MTCL2: variants seen among roughly 807,000 people sequenced by gnomAD.
MTCL2 encodes microtubule crosslinking factor 2, also known as microtubule cross-linking factor 2.
the MTCL2 span, chr20:36,784,209 T>C: frequency 2.2e-4 from 218 of 986,126 alleles, no homozygotes; most frequent in Non-Finnish European, 2.5e-4. Context: ...GGAGATAACC[T>C]TGGAGGGCCC....
the MTCL2 span, chr20:36,817,428 G>C: frequency 3.8e-6 from 6 of 1,592,952 alleles, no homozygotes; most frequent in Non-Finnish European, 5.1e-6. Context: ...TCTTCTTATC[G>C]GCCTTCCCCA....
chr20:36,852,571 CAA>C, the MTCL2 span, among the ~76,000 whole-genome samples: 3 of 152,198 alleles, frequency 2.0e-5, no homozygotes, highest in African/African-American at 7.2e-5. Context: ...GGAGGGAAAC[CAA>C]AGACTCAATC....
At chr20:36,829,177 C>T in the MTCL2 span, 10 of 1,610,848 alleles carry the variant, frequency 6.2e-6, no homozygotes, top group Non-Finnish European at 7.6e-6. Flanking sequence ...CCACCTCGAG[C>T]TCCTTATGCA....
chr20:36,785,789 A>G, the MTCL2 span: 1 of 985,464 alleles, frequency 1.0e-6, no homozygotes, highest in Non-Finnish European at 1.2e-6. Flanking sequence ...CCCAACCCTG[A>G]GCCCTGCATG....
At chr20:36,847,982 CAAAAAAATA>C in the MTCL2 span, among the ~76,000 whole-genome samples, 4 of 151,798 alleles carry the variant, frequency 2.6e-5, no homozygotes, top group African/African-American at 9.7e-5. Flanking sequence ...TCCGTCTCTA[CAAAAAAATA>C]AAAAATTTTA....
chr20:36,858,075 CAGCCTAGACACGCT>C, the MTCL2 span, among the ~76,000 whole-genome samples: 37 of 152,262 alleles, frequency 2.4e-4, no homozygotes, highest in African/African-American at 8.7e-4. Flanking sequence ...AAATGTGTCT[CAGCCTAGACACGCT>C]AGTTAACAAC....
At chr20:36,862,820 G>A in the MTCL2 span, 7 of 1,350,498 alleles carry the variant, frequency 5.2e-6, no homozygotes, top group South Asian at 1.9e-5. Flanking sequence ...GCTCGTCCGG[G>A]GAGGCGGGCG....
At chr20:36,823,980 G>T in the MTCL2 span, among the ~76,000 whole-genome samples, 9 of 152,160 alleles carry the variant, frequency 5.9e-5, no homozygotes, top group African/African-American at 2.2e-4. Context: ...TGAGAAGGCT[G>T]TGCCAGGGAA....
At chr20:36,858,159 G>C in the MTCL2 span, among the ~76,000 whole-genome samples, 1 of 152,062 alleles carries the variant, frequency 6.6e-6, no homozygotes, top group Non-Finnish European at 1.5e-5. Context: ...AGACAAACCT[G>C]GGTTGGAATC....
At chr20:36,843,079 A>ACCTCTGGCTTCTGTCCTGTC in the MTCL2 span, among the ~76,000 whole-genome samples, 1 of 152,072 alleles carries the variant, frequency 6.6e-6, no homozygotes, top group Non-Finnish European at 1.5e-5. Flanking sequence ...TCAGAGGGAC[A>ACCTCTGGCTTCTGTCCTGTC]CCTCTGGCTT....
At chr20:36,823,571 C>A in the MTCL2 span, among the ~76,000 whole-genome samples, 1 of 152,154 alleles carries the variant, frequency 6.6e-6, no homozygotes, top group Admixed American at 6.5e-5. Context: ...CTTTGGGAAG[C>A]TGAGAAGGGC....
the MTCL2 span, among the ~76,000 whole-genome samples, chr20:36,803,956 C>CAAA: frequency 0.016 from 670 of 42,790 alleles, 22 homozygotes; most frequent in African/African-American, 0.039. Context: ...GATGCCGTCT[C>CAAA]AAAAAAAAAA....
the MTCL2 span, chr20:36,859,988 T>TAA: frequency 4.5e-6 from 5 of 1,099,330 alleles, no homozygotes; most frequent in Non-Finnish European, 5.8e-6. Context: ...CCTCCAGTAA[T>TAA]AACCCCTCTA....
chr20:36,779,213 G>C, the MTCL2 span: 3 of 152,564 alleles, frequency 2.0e-5, no homozygotes, highest in Non-Finnish European at 4.4e-5. Flanking sequence ...GGTTGGGAGG[G>C]GTAAGGCATA....
the MTCL2 span, chr20:36,781,624 T>C: frequency 1.3e-5 from 2 of 151,458 alleles, no homozygotes; most frequent in East Asian, 3.9e-4. Context: ...GGAGGGCAGA[T>C]CACTTGAGCC....
the MTCL2 span, among the ~76,000 whole-genome samples, chr20:36,831,365 G>T: frequency 6.6e-6 from 1 of 152,226 alleles, no homozygotes; most frequent in Non-Finnish European, 1.5e-5. Flanking sequence ...GTTTGGCTGA[G>T]GGGCCAGTAT....
the MTCL2 span, among the ~76,000 whole-genome samples, chr20:36,800,918 T>C: frequency 6.6e-6 from 1 of 152,222 alleles, no homozygotes; most frequent in Admixed American, 6.5e-5. Flanking sequence ...GCAGTTACCA[T>C]CAACTATAAA....
At chr20:36,831,463 C>T in the MTCL2 span, among the ~76,000 whole-genome samples, 1 of 152,188 alleles carries the variant, frequency 6.6e-6, no homozygotes, top group Admixed American at 6.5e-5. Context: ...CTGCTGGTCT[C>T]GGAAATGACT....
the MTCL2 span, chr20:36,808,784 C>CCTCT: frequency 1.5e-5 from 23 of 1,520,436 alleles, no homozygotes; most frequent in Non-Finnish European, 1.8e-5. Flanking sequence ...AGGGCCCTGT[C>CCTCT]CTCTCCCCCA....
Sources: allele counts gnomAD v4.1 joint callset (sites outside exome capture counted in the v4.1 genomes callset), GRCh38; gene constraint gnomAD v4.1.1; transcripts MANE v1.5; gene names NCBI Gene and HGNC (gene_info 2026-07-23, HGNC 2026-07-21).